WDFY4: variants seen among roughly 807,000 people sequenced by gnomAD.
The protein encoded by WDFY4 is WDFY family member 4.
WDFY4 carries 169 observed loss-of-function variants against 351.9 expected under a neutral mutation model. The ratio of observed to expected loss-of-function variants is 0.48; its 90% CI spans 0.42 to 0.55. The LOEUF (loss-of-function observed/expected upper bound fraction) is 0.55. WDFY4 is among the 20% of genes least tolerant of loss of function. The pLI, the probability that WDFY4 is intolerant of heterozygous loss-of-function variation, is 0.00. For missense variants in WDFY4, 3,803 were observed against 3,935.6 expected (o/e 0.97, Z 0.90); for synonymous variants, 1,622 against 1,574.6 (o/e 1.03, Z -0.71).
At chr10:48,713,486 G>T (rs1244560497) in intron 2 of WDFY4, among the ~76,000 whole-genome samples, 1 of 152,226 alleles carries the variant, frequency 6.6e-6, no homozygotes, top group Non-Finnish European at 1.5e-5. Context: ...GGCTTGGTTT[G>T]TGGTACAGTG....
intron 1 of WDFY4, among the ~76,000 whole-genome samples, chr10:48,692,967 G>A (rs2063234865): frequency 6.6e-6 from 1 of 152,180 alleles, no homozygotes; most frequent in Non-Finnish European, 1.5e-5. Flanking sequence ...TTGTGTTGAG[G>A]GGGGCAGCCA....
At position 48,826,718 on chromosome 10, in the gene WDFY4, A is replaced by G; in HGVS notation, c.6030A>G (p.Leu2010=). 6.4e-7 allele frequency: 1 copy of G among 1,551,760 alleles called. No homozygotes were observed. The highest frequency in any genetic ancestry group is 8.7e-7 in the Non-Finnish European group (1 of 1,147,004). ...AAAGGGACACTGTCCTCAGCACTTTATACAGCAGTTTAAATAAAGTCATTC... is the reference window on the plus strand; with the variant it reads ...AAAGGGACACTGTCCTCAGCACTTTGTACAGCAGTTTAAATAAAGTCATTC... ...SSQRDTVLST[L]YSSLNKVILY... The change falls in exon 36 of 62, where the codon TTA becomes TTG. Residue 2010 remains leucine (L), a synonymous_variant. Transcript: ENST00000325239.
chr10:48,864,644 A>G (rs780405402), intron 39 of WDFY4, among the ~76,000 whole-genome samples: 4 of 152,172 alleles, frequency 2.6e-5, no homozygotes, highest in Non-Finnish European at 4.4e-5. Context: ...TTTGATAGGG[A>G]TTGTTAATTC....
Position 48,821,161 on chromosome 10 carries a change from G to A in WDFY4, c.5809G>A (p.Ala1937Thr). 1 of 1,551,568 alleles carries A rather than the reference G, an allele frequency of 6.4e-7. No homozygotes were observed. The highest frequency in any genetic ancestry group is 8.7e-7 in the Non-Finnish European group (1 of 1,146,842). Residue 1937 changes from alanine (A) to threonine (T), a missense_variant, in exon 34 of 62, where the codon GCA becomes ACA. Ala to Thr is a moderately conservative substitution (Grantham distance 58). This residue lies in a region of WDFY4 where 3,054 missense variants were observed against 3,148.6 expected (regional missense o/e 0.97). Transcript: ENST00000325239. ...ELFHMTSGGD[A>T]AMFRDGKEPQ... ...ATTCCACATGACAAGTGGAGGTGAT[G>A]CAGCGATGTTCAGAGGTGAGTGGGG...
chr10:48,690,846 A>C (rs1317395291), intron 1 of WDFY4, among the ~76,000 whole-genome samples: 1 of 152,156 alleles, frequency 6.6e-6, no homozygotes, highest in Non-Finnish European at 1.5e-5. Flanking sequence ...ACTGGGCCAT[A>C]GGTGGCCATG....
chr10:48,903,435 G>A (rs1199679737), intron 47 of WDFY4, among the ~76,000 whole-genome samples: 1 of 152,220 alleles, frequency 6.6e-6, no homozygotes, highest in Non-Finnish European at 1.5e-5. Context: ...TATTGCTGGA[G>A]GCTGTTGCAG....
At chr10:48,753,958 A>G (rs924280101) in intron 12 of WDFY4, among the ~76,000 whole-genome samples, 4 of 151,868 alleles carry the variant, frequency 2.6e-5, no homozygotes, top group Non-Finnish European at 5.9e-5. Flanking sequence ...TAGTTTTTGG[A>G]GTGTTTTTAT....
chr10:48,822,495 C>T lies in WDFY4; in HGVS notation c.5940C>T (p.Asp1980=). The change falls in exon 35 of 62, where the codon GAC becomes GAT. Residue 1980 remains aspartate (D), a synonymous_variant. Coordinates refer to ENST00000325239, the MANE Select transcript of WDFY4 (RefSeq NM_001394531.1). The stretch of plus-strand genomic sequence containing the variant: ...TGTACAGTGGGATGTTCTCGGCAGA[C>T]CCCAGGCATATCCTCCTCTTCATCC... ...EKLYSGMFSA[D]PRHILLFILE... The T allele has an allele frequency of 6.5e-7, 1 of 1,549,704 alleles. No homozygotes were observed. The highest frequency in any genetic ancestry group is 1.2e-5 in the South Asian group (1 of 83,476).
At chr10:48,751,196 G>A (rs548032475) in intron 12 of WDFY4, among the ~76,000 whole-genome samples, 35 of 152,354 alleles carry the variant, frequency 2.3e-4, no homozygotes, top group Non-Finnish European at 4.7e-4. Context: ...TGCACCTAAT[G>A]AAGTCTGGGG....
At chr10:48,824,413 A>C (rs188070643) in intron 35 of WDFY4, among the ~76,000 whole-genome samples, 1 of 152,264 alleles carries the variant, frequency 6.6e-6, no homozygotes, top group Non-Finnish European at 1.5e-5. Flanking sequence ...TTTTTAAATT[A>C]GATACTACTA....
In WDFY4 at chr10:48,694,768, G is replaced by A. The variant is rs937468840; in HGVS notation, c.-18+9767G>A. ...TGCCATTTGCCAGACACTCACTCAC[G>A]CTGCCCGGGGTGCCTGTCCACTTAC... On this transcript the variant is annotated intron_variant, in intron 1 of 61. Transcript: ENST00000325239. 2.0e-5 allele frequency among the ~76,000 whole-genome samples: 3 copies of A among 152,056 alleles called. No individual in the cohort carries two copies. The South Asian group carries it at 6.2e-4, about 32-fold the overall frequency.
intron 1 of WDFY4, among the ~76,000 whole-genome samples, chr10:48,698,524 C>T (rs1196239918): frequency 2.0e-5 from 3 of 152,184 alleles, no homozygotes; most frequent in East Asian, 1.9e-4. Flanking sequence ...TCTGGCATGA[C>T]ACTGAAGACC....
chr10:48,728,832 G>A (rs1224295698), intron 7 of WDFY4, among the ~76,000 whole-genome samples: 1 of 152,220 alleles, frequency 6.6e-6, no homozygotes, highest in Admixed American at 6.5e-5. Context: ...GAAGGCAGGA[G>A]AGGGGACAGA....
rs557906277 is a variant in WDFY4 at position 48,920,830 on chromosome 10, AC to A, written c.7586+18968del. 9.0e-4 allele frequency among the ~76,000 whole-genome samples: 137 copies of A among 152,364 alleles called. 2 individuals are homozygous for A. Among genetic ancestry groups the A allele is most frequent in the Non-Finnish European group, 8.2e-4 (56 of 68,034 alleles). On this transcript the variant is annotated intron_variant, in intron 47 of 61. Transcript: ENST00000325239. Reference sequence around the variant, plus strand: ...CAAGGCCATAGGATACAAGGTTAGCACACAAAACACCCATTGCATTTCCATA... The same window carrying A: ...CAAGGCCATAGGATACAAGGTTAGCAACAAAACACCCATTGCATTTCCATA...
intron 39 of WDFY4, among the ~76,000 whole-genome samples, chr10:48,848,318 C>A (rs948948950): frequency 1.3e-5 from 2 of 152,230 alleles, no homozygotes; most frequent in African/African-American, 4.8e-5. Flanking sequence ...TCAACTAAAA[C>A]CAGGCCTCCA....
chr10:48,794,210 C>T (rs1356752450), intron 23 of WDFY4, among the ~76,000 whole-genome samples: 2 of 152,068 alleles, frequency 1.3e-5, no homozygotes, highest in South Asian at 2.1e-4. Context: ...CACCCCTTGA[C>T]GTCAGTGGAG....
intron 22 of WDFY4, among the ~76,000 whole-genome samples, 198 bp downstream of exon 22, chr10:48,790,183 A>G (rs1019905440): frequency 2.0e-5 from 3 of 152,230 alleles, no homozygotes; most frequent in East Asian, 1.9e-4. Flanking sequence ...ACCTGGCCAC[A>G]TGTGGCAATC....
intron 12 of WDFY4, among the ~76,000 whole-genome samples, chr10:48,753,508 A>G (rs1220763728): frequency 6.6e-6 from 1 of 152,228 alleles, no homozygotes; most frequent in East Asian, 1.9e-4. Context: ...CTCTTATTGT[A>G]GATAATTAAT....
At chr10:48,827,702 T>C (rs940831500) in intron 36 of WDFY4, among the ~76,000 whole-genome samples, 1 of 151,056 alleles carries the variant, frequency 6.6e-6, no homozygotes, top group African/African-American at 2.4e-5. Context: ...AAAAATTATG[T>C]TTGATCACTT....
Sources: allele counts gnomAD v4.1 joint callset (sites outside exome capture counted in the v4.1 genomes callset), GRCh38; gene constraint gnomAD v4.1.1; regional missense constraint gnomAD v4.1.1; transcripts MANE v1.5; gene names NCBI Gene and HGNC (gene_info 2026-07-23, HGNC 2026-07-21).